Variants in OPHN1 observed in about 807,000 individuals in gnomAD.
OPHN1 encodes oligophrenin-1.
In OPHN1, 11 loss-of-function variants were observed where a neutral mutation model predicts 60.7. The ratio of observed to expected loss-of-function variants is 0.18; its 90% CI spans 0.11 to 0.30. OPHN1 has a LOEUF of 0.30. OPHN1 is among the 10% of genes least tolerant of loss of function. OPHN1 has a pLI of 1.00. For missense variants in OPHN1, 449 were observed against 611.0 expected (o/e 0.73, Z 2.80); for synonymous variants, 226 against 222.6 (o/e 1.02, Z -0.14).
chrX:68,065,995 T>C (rs1212158497), intron 20 of OPHN1, among the ~76,000 whole-genome samples: 1 of 112,279 alleles, frequency 8.9e-6, no homozygotes, highest in African/African-American at 3.2e-5. Flanking sequence ...TAGCCCTTTA[T>C]TTATTAACCC....
chrX:68,152,090 C>A (rs2077287555), intron 15 of OPHN1, among the ~76,000 whole-genome samples: 1 of 110,996 alleles, frequency 9.0e-6, no homozygotes, highest in South Asian at 3.9e-4. Flanking sequence ...ATGATGCTAA[C>A]CCACTCATGA....
rs190467877 is a variant in OPHN1, at chrX:68,110,190, C to T, written c.1526+1664G>A. ...CTAATTAATAAGCATTAGGATTTGA[C>T]AATAAATGGTAGCTCAGTATAGGTT... On this transcript the variant is annotated intron_variant, in intron 18 of 24. Transcript: ENST00000355520. Among the ~76,000 whole-genome samples the T allele has an allele frequency of 2.5e-3, 280 of 111,684 alleles. 1 individual carries two copies. Among genetic ancestry groups the T allele is most frequent in the African/African-American group, 8.8e-3 (271 of 30,750 alleles).
intron 8 of OPHN1, among the ~76,000 whole-genome samples, chrX:68,211,312 G>A: frequency 8.9e-6 from 1 of 112,164 alleles, no homozygotes; most frequent in Non-Finnish European, 1.9e-5. Flanking sequence ...ACTCAGTAAT[G>A]CCTTCTCTGA....
At chrX:68,255,002 G>A (rs1248782262) in intron 5 of OPHN1, among the ~76,000 whole-genome samples, 5 of 94,421 alleles carry the variant, frequency 5.3e-5, no homozygotes, top group South Asian at 5.9e-4. Flanking sequence ...GAGGCAGATC[G>A]AGAATCTGCC....
At chrX:68,242,993 A>G (rs1347342712) in intron 5 of OPHN1, among the ~76,000 whole-genome samples, 1 of 110,537 alleles carries the variant, frequency 9.0e-6, no homozygotes. Context: ...TCAGCCTCCC[A>G]CGTAGCTAGG....
intron 15 of OPHN1, among the ~76,000 whole-genome samples, chrX:68,176,748 G>A (rs1450292700): frequency 1.8e-5 from 2 of 111,105 alleles, no homozygotes; most frequent in Non-Finnish European, 3.8e-5. Context: ...ATCAGACCTT[G>A]ATGATGACCT....
intron 3 of OPHN1, among the ~76,000 whole-genome samples, chrX:68,286,335 C>G (rs1371057540): frequency 9.0e-6 from 1 of 111,681 alleles, no homozygotes. Flanking sequence ...GAACAAATAT[C>G]TCCAAGCCTT....
At chrX:68,302,638 C>T (rs941915514) in intron 2 of OPHN1, among the ~76,000 whole-genome samples, 10 of 110,167 alleles carry the variant, frequency 9.1e-5, no homozygotes, top group Admixed American at 2.9e-4. Flanking sequence ...GCAATCACGA[C>T]GGGTTGCAGT....
intron 16 of OPHN1, among the ~76,000 whole-genome samples, chrX:68,113,500 C>A (rs1290992139): frequency 9.0e-6 from 1 of 111,432 alleles, no homozygotes; most frequent in Non-Finnish European, 1.9e-5. Flanking sequence ...ACCAGTCCTG[C>A]AAAATTCCAG....
chrX:68,155,048 TAG>T (rs2077303337), intron 15 of OPHN1, among the ~76,000 whole-genome samples: 1 of 110,280 alleles, frequency 9.1e-6, no homozygotes, highest in African/African-American at 3.3e-5. Flanking sequence ...CAAGATCAAG[TAG>T]AGAGGCAAAA....
chrX:68,278,160 T>C (rs189241780), intron 4 of OPHN1, among the ~76,000 whole-genome samples: 2 of 112,633 alleles, frequency 1.8e-5, no homozygotes, highest in Admixed American at 1.9e-4. Context: ...CACAAACAGA[T>C]ACTCTGAATC....
At chrX:68,180,010 G>A (rs1202295010) in intron 15 of OPHN1, among the ~76,000 whole-genome samples, 3 of 111,046 alleles carry the variant, frequency 2.7e-5, no homozygotes, top group African/African-American at 6.5e-5. Flanking sequence ...TGGCAGATAC[G>A]CTTCAGTTTG....
At chrX:68,377,318 G>C (rs1214869282) in intron 2 of OPHN1, among the ~76,000 whole-genome samples, 1 of 109,092 alleles carries the variant, frequency 9.2e-6, no homozygotes. Context: ...GGATGGTCTT[G>C]ATCTCCTGAC....
In OPHN1 at chrX:68,231,104, C is replaced by T. The variant is rs756271204; in HGVS notation, c.486+3383G>A. On this transcript the variant is annotated intron_variant, in intron 6 of 24. Coordinates refer to ENST00000355520, the MANE Select transcript of OPHN1 (RefSeq NM_002547.3). ...AAAAATGAGATCCCGTCATTTGCAA[C>T]AACATGGATGGAACTGAAAGTTATT... is the stretch of plus-strand genomic sequence containing the variant. Among the ~76,000 whole-genome samples the T allele has an allele frequency of 2.7e-5, 3 of 111,236 alleles. No individual in the cohort carries two copies. In the South Asian group the frequency reaches 1.1e-3, roughly 42 times the overall value.
At chrX:68,273,879 C>G (rs1385308487) in intron 5 of OPHN1, among the ~76,000 whole-genome samples, 1 of 112,027 alleles carries the variant, frequency 8.9e-6, no homozygotes, top group Non-Finnish European at 1.9e-5. Context: ...GTTCTGCAAG[C>G]TGTACAGGAA....
chrX:68,215,126 C>T (rs1317992055), intron 6 of OPHN1, among the ~76,000 whole-genome samples: 2 of 111,625 alleles, frequency 1.8e-5, no homozygotes, highest in Middle Eastern at 4.2e-3. Context: ...ATGAAAACTG[C>T]AAGAGAGTAT....
chrX:68,318,681 C>A (rs1223794834), intron 2 of OPHN1, among the ~76,000 whole-genome samples: 2 of 111,875 alleles, frequency 1.8e-5, no homozygotes, highest in African/African-American at 3.2e-5. Flanking sequence ...AAAGTCCATA[C>A]TTTAATCAGA....
chrX:68,428,065 T>C (rs1295536107), intron 2 of OPHN1, among the ~76,000 whole-genome samples: 1 of 111,213 alleles, frequency 9.0e-6, no homozygotes, highest in African/African-American at 3.3e-5. Context: ...TGACTCAAAT[T>C]ATTTGCTGTC....
intron 15 of OPHN1, among the ~76,000 whole-genome samples, chrX:68,185,747 A>G (rs1406124987): frequency 9.0e-6 from 1 of 110,703 alleles, no homozygotes; most frequent in Non-Finnish European, 1.9e-5. Context: ...TGTGTGAATC[A>G]GTGAATGAGA....
Sources: allele counts gnomAD v4.1 joint callset (sites outside exome capture counted in the v4.1 genomes callset), GRCh38; gene constraint gnomAD v4.1.1; transcripts MANE v1.5; gene names NCBI Gene and HGNC (gene_info 2026-07-23, HGNC 2026-07-21).